Variants in ADCY9 observed in about 807,000 individuals in gnomAD.
ADCY9 encodes the protein adenylate cyclase 9.
A neutral mutation model predicts 101.5 loss-of-function variants in ADCY9; 50 were observed. The observed-to-expected ratio is 0.49, with a 90% confidence interval of 0.39 to 0.62. The LOEUF (loss-of-function observed/expected upper bound fraction) is 0.62, where lower values mean the gene tolerates loss of function less well. Among genes scored for constraint, ADCY9 ranks in the 20% least tolerant of loss-of-function variants. The probability of loss-of-function intolerance (pLI) is 0.00; values close to 1 mark genes in which losing one functional copy is unlikely to be tolerated. For missense variants in ADCY9, 1,662 were observed against 1,800.4 expected (o/e 0.92, Z 1.39); for synonymous variants, 905 against 769.3 (o/e 1.18, Z -2.92).
At chr16:4,000,055 G>A (rs1437738126) in intron 3 of ADCY9, among the ~76,000 whole-genome samples, 3 of 152,140 alleles carry the variant, frequency 2.0e-5, no homozygotes, top group African/African-American at 7.2e-5. Flanking sequence ...TTCTCAACAC[G>A]ACTGTTTTGC....
intron 2 of ADCY9, among the ~76,000 whole-genome samples, chr16:4,077,645 AG>A (rs2141175469): frequency 6.6e-6 from 1 of 152,252 alleles, no homozygotes; most frequent in East Asian, 1.9e-4. Context: ...ACTGAAAAGG[AG>A]GGGATTTTAA....
chr16:4,108,160 T>C (rs1206100272), intron 2 of ADCY9, among the ~76,000 whole-genome samples: 4 of 152,148 alleles, frequency 2.6e-5, no homozygotes, highest in Admixed American at 2.0e-4. Flanking sequence ...AAGATGCCTG[T>C]AGATATTTTC....
chr16:4,034,776 A>G (rs1055947235), intron 2 of ADCY9, among the ~76,000 whole-genome samples: 1 of 152,124 alleles, frequency 6.6e-6, no homozygotes, highest in Non-Finnish European at 1.5e-5. Context: ...TGGAATGAAG[A>G]AGGAGACTGA....
At chr16:4,040,064 G>A (rs1343890233) in intron 2 of ADCY9, among the ~76,000 whole-genome samples, 1 of 152,074 alleles carries the variant, frequency 6.6e-6, no homozygotes, top group South Asian at 2.1e-4. Context: ...GAAAACAAGA[G>A]AAGAGAAGAG....
intron 2 of ADCY9, among the ~76,000 whole-genome samples, chr16:4,106,088 C>CT (rs980954432): frequency 2.6e-5 from 4 of 152,210 alleles, no homozygotes; most frequent in African/African-American, 9.6e-5. Context: ...AGCCTTCCCA[C>CT]TTAACTCCGC....
At chr16:4,109,917 C>T (rs550558327) in intron 2 of ADCY9, among the ~76,000 whole-genome samples, 6 of 152,324 alleles carry the variant, frequency 3.9e-5, no homozygotes, top group African/African-American at 9.6e-5. Flanking sequence ...CTCCTTCCCA[C>T]GCTACCCATG....
chr16:4,013,684 G>A (rs767452038), intron 2 of ADCY9, among the ~76,000 whole-genome samples: 23 of 152,148 alleles, frequency 1.5e-4, no homozygotes, highest in Non-Finnish European at 2.5e-4. Context: ...ACGACCAAGC[G>A]GCATGAGAGT....
intron 2 of ADCY9, among the ~76,000 whole-genome samples, chr16:4,031,404 C>T (rs2056554326): frequency 6.6e-6 from 1 of 152,040 alleles, no homozygotes; most frequent in Non-Finnish European, 1.5e-5. Context: ...GTATTATATC[C>T]CATTCAGGGT....
At chr16:4,059,124 G>T (rs756267120) in intron 2 of ADCY9, among the ~76,000 whole-genome samples, 3 of 151,982 alleles carry the variant, frequency 2.0e-5, no homozygotes, top group African/African-American at 7.2e-5. Flanking sequence ...GATGGCTCAC[G>T]CCTTTAATCC....
At position 4,114,549 on chromosome 16, in the gene ADCY9, C is replaced by A. The variant is rs755629976; in HGVS notation, c.894G>T (p.Leu298=). ...HGCIHAIGVH[L]FVMSQVRSRS... ...TGGACCTCACCTGGGACATGACGAA[C>A]AGGTGGACCCCGATGGCGTGGATGC... The change falls in exon 2 of 11, where the codon CTG becomes CTT. Residue 298 remains leucine (L), a synonymous_variant. Transcript: ENST00000294016. This position sits in a 1 kb window ranked among gnomAD's most constrained non-coding sequence, Gnocchi z 4.3. The A allele has an allele frequency of 2.5e-6, 4 of 1,614,150 alleles. No homozygotes were observed. Among genetic ancestry groups the A allele is most frequent in the Non-Finnish European group, 3.4e-6 (4 of 1,180,044 alleles).
At chr16:4,051,443 G>A (rs1289835546) in intron 2 of ADCY9, among the ~76,000 whole-genome samples, 1 of 151,666 alleles carries the variant, frequency 6.6e-6, no homozygotes, top group Non-Finnish European at 1.5e-5. Flanking sequence ...AGAATGGCGT[G>A]AACCCGGGAG....
intron 10 of ADCY9, among the ~76,000 whole-genome samples, chr16:3,972,028 A>G (rs1033736987): frequency 5.3e-5 from 8 of 152,162 alleles, no homozygotes; most frequent in Non-Finnish European, 1.2e-4. Context: ...TCCAAGGAAG[A>G]AAAGCCATCA....
intron 5 of ADCY9, among the ~76,000 whole-genome samples, chr16:3,955,632 G>A (rs2055902743): frequency 6.7e-6 from 1 of 150,238 alleles, no homozygotes; most frequent in South Asian, 2.1e-4. Context: ...TGCAACCTCT[G>A]CCTCCCAGAG....
At chr16:3,956,809 T>C (rs2055909231) in intron 5 of ADCY9, among the ~76,000 whole-genome samples, 1 of 152,082 alleles carries the variant, frequency 6.6e-6, no homozygotes, top group Non-Finnish European at 1.5e-5. Flanking sequence ...ATCTGTCTTT[T>C]CTATGGAGGC....
chr16:3,971,614 G>A (rs973307078), intron 10 of ADCY9, among the ~76,000 whole-genome samples: 1 of 152,164 alleles, frequency 6.6e-6, no homozygotes, highest in African/African-American at 2.4e-5. Flanking sequence ...AGCTCCATGA[G>A]CCCTCTGGTT....
At chr16:3,997,526 G>C (rs568905464) in intron 3 of ADCY9, among the ~76,000 whole-genome samples, 3 of 152,364 alleles carry the variant, frequency 2.0e-5, no homozygotes, top group Non-Finnish European at 4.4e-5. Context: ...AGTGAGGTCT[G>C]GCAGAGCCGC....
At chr16:3,955,953 C>T (rs1466544298) in intron 5 of ADCY9, among the ~76,000 whole-genome samples, 1 of 152,120 alleles carries the variant, frequency 6.6e-6, no homozygotes, top group Non-Finnish European at 1.5e-5. Context: ...AGCTTCACCT[C>T]CTGCGCTCAA....
intron 2 of ADCY9, among the ~76,000 whole-genome samples, chr16:4,029,990 G>T (rs1023069614): frequency 5.3e-5 from 8 of 152,124 alleles, no homozygotes; most frequent in African/African-American, 1.9e-4. Flanking sequence ...AGTGACAAGC[G>T]CTGGTGAGGA....
rs926266351 is a variant in ADCY9 at position 4,115,585 on chromosome 16, G to C, written c.-43-100C>G. ...GTCCTAAGGGGCGGCTCCAGCACGC[G>C]ACCTGGACAGGCACCATCTGTTCCT... On this transcript the variant is annotated intron_variant, in intron 1 of 10. Transcript: ENST00000294016. The surrounding 1 kb of genome is among the most constrained non-coding windows in gnomAD (Gnocchi z 6.2). 3 of 983,510 alleles carry C rather than the reference G, an allele frequency of 3.1e-6. No individual in the cohort carries two copies. Among genetic ancestry groups the C allele is most frequent in the Non-Finnish European group, 4.4e-6 (3 of 688,462 alleles). 60.9% of individuals were successfully genotyped at this position (983,510 alleles called of 1,614,324 possible).
Sources: gnomAD v4.1 joint callset for allele counts (sites outside exome capture counted in the v4.1 genomes callset) on GRCh38, gnomAD v4.1.1 for gene constraint, Gnocchi (gnomAD v3.1) non-coding constraint, MANE v1.5 for transcripts, NCBI Gene and HGNC (gene_info 2026-07-23, HGNC 2026-07-21) for gene names.